The following CNTNAP5 variants were observed in gnomAD, a reference collection of about 807,000 sequenced individuals.
The protein encoded by CNTNAP5 is contactin associated protein family member 5, also known as contactin-associated protein-like 5.
A neutral mutation model predicts 150.2 loss-of-function variants in CNTNAP5; 72 were observed. The observed-to-expected ratio is 0.48, with a 90% CI of 0.40 to 0.58. The LOEUF (loss-of-function observed/expected upper bound fraction) is 0.58. Ranked by LOEUF, CNTNAP5 falls within the 20% of genes least tolerant of loss-of-function variation. The pLI, the probability that CNTNAP5 is intolerant of heterozygous loss-of-function variation, is 0.00. For missense variants in CNTNAP5, 1,636 were observed against 1,626.2 expected (o/e 1.01, Z -0.10); for synonymous variants, 672 against 619.8 (o/e 1.08, Z -1.25).
In CNTNAP5 at chr2:124,920,408, A is replaced by T. The variant is rs374941891; in HGVS notation, c.*6120A>T. Among the ~76,000 whole-genome samples the T allele has an allele frequency of 1.3e-5, 2 of 152,100 alleles. No homozygotes were observed. The highest frequency in any genetic ancestry group is 4.8e-5 in the African/African-American group (2 of 41,448). On this transcript the variant is annotated 3_prime_UTR_variant, in exon 24 of 24. Transcript: ENST00000682447. ...ATCAGAGTCAGCCTCTATCACAAAC[A>T]TTTTACATGAAATATTCACCTAGTC...
In CNTNAP5 at chr2:124,258,423, G is replaced by A. The variant is rs906085403; in HGVS notation, c.381+16030G>A. Among the ~76,000 whole-genome samples the A allele has an allele frequency of 3.3e-5, 5 of 152,188 alleles. No homozygotes were observed. The South Asian group carries it at 1.0e-3, about 32-fold the overall frequency. On this transcript the variant is annotated intron_variant, in intron 3 of 23. Transcript: ENST00000682447. ...ACCCAATTTGGAAGATTGTGAATAT[G>A]TCGTATAAATGGGTTATGAGGATGC...
chr2:124,305,205 A>G (rs907267454), intron 3 of CNTNAP5, among the ~76,000 whole-genome samples: 2 of 151,256 alleles, frequency 1.3e-5, no homozygotes, highest in African/African-American at 4.9e-5. Context: ...CTTGTGCCCA[A>G]AGTTTGAGAC....
At chr2:124,866,443 G>A (rs1419698349) in intron 20 of CNTNAP5, among the ~76,000 whole-genome samples, 1 of 152,132 alleles carries the variant, frequency 6.6e-6, no homozygotes, top group Non-Finnish European at 1.5e-5. Flanking sequence ...ATAGGCTGTG[G>A]GAAGGCATGT....
intron 3 of CNTNAP5, among the ~76,000 whole-genome samples, chr2:124,383,899 A>C (rs1690865799): frequency 1.3e-5 from 2 of 152,198 alleles, no homozygotes; most frequent in Admixed American, 6.5e-5. Flanking sequence ...GCTTCTCTTC[A>C]TGCAATTTTA....
chr2:124,308,320 C>T (rs148264076), intron 3 of CNTNAP5, among the ~76,000 whole-genome samples: 262 of 152,278 alleles, frequency 1.7e-3, no homozygotes, highest in Admixed American at 2.9e-3. Context: ...ACCGTTTATC[C>T]ATCCCCTGCC....
rs1468550107 is a variant in CNTNAP5, at chr2:124,504,461, C to T, written c.1232C>T (p.Ser411Phe). The T allele has an allele frequency of 5.6e-6, 9 of 1,613,702 alleles. No individual in the cohort carries two copies. Among genetic ancestry groups the T allele is most frequent in the African/African-American group, 1.3e-5 (1 of 74,878 alleles). Reference sequence around the variant, plus strand: ...GGTCTGCTTCTGTCCACAGAGCTGTCTGAGGGCTCGGGAACCCTGCTGCTG... The same window carrying T: ...GGTCTGCTTCTGTCCACAGAGCTGTTTGAGGGCTCGGGAACCCTGCTGCTG... ...KDGLLLSTEL[S>F]EGSGTLLLSL... The change falls in exon 8 of 24, where the codon TCT (serine) becomes TTT (phenylalanine). Residue 411 changes from serine to phenylalanine, a missense_variant. By Grantham distance (155) the Ser-to-Phe change is radical. Coordinates refer to ENST00000682447, the MANE Select transcript of CNTNAP5 (RefSeq NM_001367498.1).
intron 3 of CNTNAP5, among the ~76,000 whole-genome samples, chr2:124,267,523 G>A (rs560116031): frequency 1.3e-5 from 2 of 152,226 alleles, no homozygotes; most frequent in East Asian, 1.9e-4. Context: ...GTGTAAATAT[G>A]CATATGGCCC....
At chr2:124,509,529 A>T (rs909733187) in intron 8 of CNTNAP5, among the ~76,000 whole-genome samples, 9 of 152,186 alleles carry the variant, frequency 5.9e-5, no homozygotes, top group Admixed American at 3.9e-4. Context: ...CTGTAAAAAA[A>T]CTCATAAAAC....
chr2:124,443,783 A>C (rs11123046), intron 5 of CNTNAP5, among the ~76,000 whole-genome samples: 71,550 of 151,130 alleles, frequency 0.47, 17,028 homozygotes, highest in Middle Eastern at 0.58. Context: ...CATAGAACAA[A>C]TAAGTTGGGG....
In CNTNAP5 at chr2:124,919,222, G is replaced by C. The variant is rs1289706320; in HGVS notation, c.*4934G>C. Among the ~76,000 whole-genome samples the C allele has an allele frequency of 6.6e-6, 1 of 152,064 alleles. No homozygotes were observed. Among genetic ancestry groups the C allele is most frequent in the African/African-American group, 2.4e-5 (1 of 41,418 alleles). ...CATACATATCTGTTTGGTAGGGAGA[G>C]AAGCATTCCTCTTTTATGTTGACAA... On this transcript the variant is annotated 3_prime_UTR_variant, in exon 24 of 24. Coordinates refer to ENST00000682447, the MANE Select transcript of CNTNAP5 (RefSeq NM_001367498.1).
intron 1 of CNTNAP5, among the ~76,000 whole-genome samples, chr2:124,089,388 G>A (rs1286581688): frequency 6.6e-6 from 1 of 151,680 alleles, no homozygotes; most frequent in Admixed American, 6.6e-5. Context: ...TGTTTTTCCA[G>A]TTGTACAAAT....
At chr2:124,293,752 A>G (rs1326483864) in intron 3 of CNTNAP5, among the ~76,000 whole-genome samples, 1 of 152,082 alleles carries the variant, frequency 6.6e-6, no homozygotes, top group Non-Finnish European at 1.5e-5. Flanking sequence ...CACCGAGATA[A>G]TCACCATAAT....
intron 1 of CNTNAP5, among the ~76,000 whole-genome samples, chr2:124,219,441 A>C (rs1686245836): frequency 6.6e-6 from 1 of 152,132 alleles, no homozygotes; most frequent in Non-Finnish European, 1.5e-5. Flanking sequence ...TTTCCAGTGG[A>C]AGTGGGTGTC....
rs1208559471 is a variant in CNTNAP5 at position 124,466,369 on chromosome 2, T to A, written c.919-8370T>A. 7.2e-5 allele frequency among the ~76,000 whole-genome samples: 11 copies of A among 152,094 alleles called. No homozygotes were observed. The East Asian group carries it at 1.9e-3, about 27-fold the overall frequency. On this transcript the variant is annotated intron_variant, in intron 6 of 23. Transcript: ENST00000682447. ...TAAAATTTGATGGTTTCCTGTAGAT[T>A]TTGGTCACTAGTATGCTTGCATTGT...
chr2:124,344,111 C>T (rs543255003), intron 3 of CNTNAP5, among the ~76,000 whole-genome samples: 1 of 152,252 alleles, frequency 6.6e-6, no homozygotes, highest in East Asian at 1.9e-4. Context: ...TCCCCACCTC[C>T]CAATGCAAAC....
At chr2:124,837,323 C>T (rs1482350256) in intron 19 of CNTNAP5, among the ~76,000 whole-genome samples, 1 of 152,046 alleles carries the variant, frequency 6.6e-6, no homozygotes, top group Non-Finnish European at 1.5e-5. Context: ...TGGCTTTCTA[C>T]TAAATCTTGA....
intron 14 of CNTNAP5, among the ~76,000 whole-genome samples, chr2:124,753,572 T>C (rs910149338): frequency 1.3e-5 from 2 of 152,214 alleles, no homozygotes; most frequent in African/African-American, 4.8e-5. Context: ...TAGTTATTTC[T>C]CTTTCTATGC....
chr2:124,790,490 G>A (rs1171528834), intron 18 of CNTNAP5, among the ~76,000 whole-genome samples: 1 of 152,174 alleles, frequency 6.6e-6, no homozygotes, highest in African/African-American at 2.4e-5. Flanking sequence ...TGTAATCAAA[G>A]AATTGTAGAA....
intron 19 of CNTNAP5, among the ~76,000 whole-genome samples, chr2:124,864,810 G>A (rs1342634076): frequency 6.6e-6 from 1 of 152,116 alleles, no homozygotes; most frequent in East Asian, 1.9e-4. Flanking sequence ...GGACCCTAAA[G>A]GGTTAAAGTG....
Sources: gnomAD v4.1 joint callset for allele counts (sites outside exome capture counted in the v4.1 genomes callset) on GRCh38, gnomAD v4.1.1 for gene constraint, MANE v1.5 for transcripts, NCBI Gene and HGNC (gene_info 2026-07-23, HGNC 2026-07-21) for gene names.